MGAT5: variants seen among roughly 807,000 people sequenced by gnomAD.
MGAT5 encodes alpha-1,6-mannosylglycoprotein 6-beta-N-acetylglucosaminyltransferase, also known as alpha-1,6-mannosylglycoprotein 6-beta-N-acetylglucosaminyltransferase A.
A neutral mutation model predicts 94.3 loss-of-function variants in MGAT5; 30 were observed. The ratio of observed to expected loss-of-function variants is 0.32; its 90% CI spans 0.24 to 0.43. The LOEUF (loss-of-function observed/expected upper bound fraction) is 0.43, where lower values mean the gene tolerates loss of function less well. Ranked by LOEUF, MGAT5 falls within the 20% of genes least tolerant of loss-of-function variation. The pLI, the probability that MGAT5 is intolerant of heterozygous loss-of-function variation, is 1.00. For synonymous variants in MGAT5, 310 were observed against 322.9 expected, an observed-to-expected ratio of 0.96 and a Z score of 0.43; for missense variants, 691 against 905.5, an observed-to-expected ratio of 0.76 and a Z score of 3.04.
chr2:134,330,554 A>T (rs973019221), intron 4 of MGAT5, among the ~76,000 whole-genome samples: 2 of 148,596 alleles, frequency 1.3e-5, no homozygotes, highest in Admixed American at 1.3e-4. Context: ...TAAATTGTGT[A>T]GTGTGTGTGT....
intron 1 of MGAT5, among the ~76,000 whole-genome samples, chr2:134,198,497 G>A (rs1218082395): frequency 6.6e-6 from 1 of 152,200 alleles, no homozygotes; most frequent in East Asian, 1.9e-4. Flanking sequence ...CATCCAAGGT[G>A]GCTGAGTTAA....
intron 2 of MGAT5, among the ~76,000 whole-genome samples, chr2:134,313,172 G>A (rs967252696): frequency 1.3e-5 from 2 of 151,274 alleles, no homozygotes; most frequent in African/African-American, 4.9e-5. Context: ...CTCTGTACAC[G>A]TCTCTCTCGA....
intron 2 of MGAT5, among the ~76,000 whole-genome samples, chr2:134,310,863 G>C (rs1353790137): frequency 6.6e-6 from 1 of 152,206 alleles, no homozygotes; most frequent in South Asian, 2.1e-4. Context: ...TGATGGAGGT[G>C]CTGGCAAGAG....
At chr2:134,239,141 G>A (rs1203776769) in intron 1 of MGAT5, among the ~76,000 whole-genome samples, 1 of 152,092 alleles carries the variant, frequency 6.6e-6, no homozygotes, top group Non-Finnish European at 1.5e-5. Flanking sequence ...TGGGACTACA[G>A]GCACATGCCA....
chr2:134,352,454 A>G (rs1278555296), intron 9 of MGAT5, among the ~76,000 whole-genome samples: 1 of 152,218 alleles, frequency 6.6e-6, no homozygotes, highest in Non-Finnish European at 1.5e-5. Flanking sequence ...AGGACAATGT[A>G]GAGCTACTCC....
At chr2:134,204,083 T>C (rs1399427100) in intron 1 of MGAT5, among the ~76,000 whole-genome samples, 1 of 152,224 alleles carries the variant, frequency 6.6e-6, no homozygotes, top group Non-Finnish European at 1.5e-5. Flanking sequence ...AATCACTGTG[T>C]AATTTTTCTT....
intron 1 of MGAT5, among the ~76,000 whole-genome samples, chr2:134,241,807 C>G (rs958455017): frequency 1.2e-4 from 18 of 152,132 alleles, no homozygotes; most frequent in African/African-American, 4.3e-4. Context: ...AAAAGCCTCA[C>G]AGGTCATACA....
chr2:134,223,771 T>C (rs537614448), intron 1 of MGAT5, among the ~76,000 whole-genome samples: 2 of 152,086 alleles, frequency 1.3e-5, no homozygotes, highest in East Asian at 3.9e-4. Context: ...TTATATAAAA[T>C]GCAGCAAGAA....
chr2:134,405,982 T>G (rs1056216165), intron 11 of MGAT5, among the ~76,000 whole-genome samples: 4 of 152,224 alleles, frequency 2.6e-5, no homozygotes, highest in African/African-American at 4.8e-5. Flanking sequence ...AATTGGGGTA[T>G]AAACTTGGAT....
At chr2:134,149,595 TAAACTCTTGG>T (rs1407338066) in intron 1 of MGAT5, among the ~76,000 whole-genome samples, 2 of 152,264 alleles carry the variant, frequency 1.3e-5, no homozygotes, top group Non-Finnish European at 2.9e-5. Flanking sequence ...ACCAGGTTAA[TAAACTCTTGG>T]AAATGCCCCC....
At chr2:134,224,578 G>A (rs1484234642) in intron 1 of MGAT5, among the ~76,000 whole-genome samples, 1 of 152,090 alleles carries the variant, frequency 6.6e-6, no homozygotes, top group Non-Finnish European at 1.5e-5. Flanking sequence ...TGAAAGAAAA[G>A]GATAGGAACA....
At chr2:134,285,237 C>G (rs973797615) in intron 2 of MGAT5, among the ~76,000 whole-genome samples, 1 of 151,690 alleles carries the variant, frequency 6.6e-6, no homozygotes, top group African/African-American at 2.4e-5. Context: ...ATCCTGTTTT[C>G]TAGAGCACTG....
At chr2:134,425,406 T>G (rs1375955156) in intron 13 of MGAT5, among the ~76,000 whole-genome samples, 3 of 152,026 alleles carry the variant, frequency 2.0e-5, no homozygotes, top group Admixed American at 6.6e-5. Context: ...TGGTTGGTTT[T>G]TGTGTGTGTG....
At chr2:134,273,500 C>T (rs1336795645) in intron 2 of MGAT5, among the ~76,000 whole-genome samples, 2 of 152,102 alleles carry the variant, frequency 1.3e-5, no homozygotes, top group African/African-American at 4.8e-5. Context: ...TTTCTGATTG[C>T]TTATTGTTGT....
At chr2:134,321,550 G>T (rs921962875) in intron 4 of MGAT5, among the ~76,000 whole-genome samples, 1 of 152,172 alleles carries the variant, frequency 6.6e-6, no homozygotes, top group African/African-American at 2.4e-5. Context: ...AAGTAGAGAG[G>T]AATACGGGAT....
At chr2:134,145,274 C>T (rs1160760367) in intron 1 of MGAT5, among the ~76,000 whole-genome samples, 7 of 150,272 alleles carry the variant, frequency 4.7e-5, no homozygotes, top group Admixed American at 1.3e-4. Flanking sequence ...GGGCTGGGCG[C>T]GGTGGCTCAC....
chr2:134,339,686 T>G (rs1282502047), intron 6 of MGAT5, among the ~76,000 whole-genome samples: 1 of 152,168 alleles, frequency 6.6e-6, no homozygotes, highest in Non-Finnish European at 1.5e-5. Flanking sequence ...TATATCTGAC[T>G]TTGTAGATTT....
chr2:134,445,004 C>G (rs1685693416), intron 15 of MGAT5, among the ~76,000 whole-genome samples: 1 of 152,158 alleles, frequency 6.6e-6, no homozygotes, highest in Admixed American at 6.5e-5. Flanking sequence ...TGGAGAGGAC[C>G]TCAGTTCCAT....
chr2:134,317,999 A>G (rs1389525078), intron 3 of MGAT5, among the ~76,000 whole-genome samples: 1 of 152,206 alleles, frequency 6.6e-6, no homozygotes, highest in African/African-American at 2.4e-5. Context: ...TGAAGCCTCC[A>G]GACTGTGGTT....
Sources: allele counts gnomAD v4.1 joint callset (sites outside exome capture counted in the v4.1 genomes callset), GRCh38; gene constraint gnomAD v4.1.1; transcripts MANE v1.5; gene names NCBI Gene and HGNC (gene_info 2026-07-23, HGNC 2026-07-21).